The following SHPRH variants were observed in gnomAD, a reference collection of about 807,000 sequenced individuals.
SHPRH encodes the protein SNF2 histone linker PHD RING helicase.
A neutral mutation model predicts 202.5 loss-of-function variants in SHPRH; 106 were observed. The ratio of observed to expected loss-of-function variants is 0.52; its 90% CI spans 0.45 to 0.62. The LOEUF is 0.62. Ranked by LOEUF, SHPRH falls within the 20% of genes least tolerant of loss-of-function variation. SHPRH has a pLI of 0.00. For synonymous variants in SHPRH, 729 were observed against 686.0 expected, an observed-to-expected ratio of 1.06 and a Z score of -0.98; for missense variants, 1,710 against 2,020.0, an observed-to-expected ratio of 0.85 and a Z score of 2.94.
chr6:145,886,570 AATTC>A lies in SHPRH; in HGVS notation c.*117_*120del. On this transcript the variant is annotated 3_prime_UTR_variant, in exon 30 of 30. Transcript: ENST00000275233. ...CACTGTATAACCAGAACAATAAACA[AATTC>A]ATTCAACTAGGAACAGTGTTACTGT... is the stretch of plus-strand genomic sequence containing the variant. 2 of 1,498,534 alleles carry A rather than the reference AATTC, an allele frequency of 1.3e-6. No individual in the cohort carries two copies. Among genetic ancestry groups the A allele is most frequent in the East Asian group, 4.8e-5 (2 of 42,034 alleles). The allele number at this position is 1,498,534 out of a possible 1,614,324, so 92.8% of individuals were successfully genotyped here.
At chr6:145,864,977 A>T (rs1409491569) in intron 2 of SHPRH, among the ~76,000 whole-genome samples, 1 of 151,144 alleles carries the variant, frequency 6.6e-6, no homozygotes, top group East Asian at 1.9e-4. Flanking sequence ...ACACACACAC[A>T]CTTTGAGACC....
chr6:145,902,689 A>G (rs986621069), intron 25 of SHPRH, among the ~76,000 whole-genome samples: 2 of 152,122 alleles, frequency 1.3e-5, no homozygotes, highest in African/African-American at 2.4e-5. Context: ...ATTGGTGTAG[A>G]AAGATACACT....
intron 8 of SHPRH, among the ~76,000 whole-genome samples, chr6:145,944,353 G>A (rs772084005): frequency 3.3e-5 from 5 of 152,086 alleles, no homozygotes; most frequent in Non-Finnish European, 4.4e-5. Context: ...TTTGGCCCCC[G>A]GTTTCAAAGG....
Position 145,910,608 on chromosome 6 carries a change from A to C in SHPRH, c.4355T>G (p.Phe1452Cys). The change falls in exon 25 of 30, where the codon TTC becomes TGC. Residue 1452 changes from phenylalanine (F) to cysteine (C), a missense_variant. Physicochemically the swap from Phe to Cys is radical, Grantham distance 205 (BLOSUM62 -2). Coordinates refer to ENST00000275233, the MANE Select transcript of SHPRH (RefSeq NM_001042683.3). The stretch of plus-strand genomic sequence containing the variant: ...AATTATAGAAATGCATTCATTACAG[A>C]AACAGTGACCACAGGTCAGTACCGC... ...QWAVLTCGHC[F>C]CNECISIIIE... 6.2e-7 allele frequency: 1 copy of C among 1,613,050 alleles called. No individual in the cohort carries two copies. The highest frequency in any genetic ancestry group is 8.5e-7 in the Non-Finnish European group (1 of 1,179,426).
At chr6:145,880,283 T>C (rs1452398262), downstream of SHPRH, among the ~76,000 whole-genome samples, 2 of 152,130 alleles carry the variant, frequency 1.3e-5, no homozygotes, top group African/African-American at 4.8e-5. Flanking sequence ...AATATTAACA[T>C]AGGTCTACAT....
At chr6:145,955,377 GGAGGTATAACAAGA>G in intron 1 of SHPRH, 23 bp from the exon 2 acceptor site, 1 of 1,533,192 alleles carries the variant, frequency 6.5e-7, no homozygotes, top group South Asian at 1.3e-5. Context: ...TGAAACAACA[GGAGGTATAACAAGA>G]GATGATTTAG....
intron 25 of SHPRH, chr6:145,906,190 C>T (rs1782942589): frequency 6.6e-6 from 1 of 152,024 alleles, no homozygotes; most frequent in Non-Finnish European, 1.5e-5. Context: ...CAACTCTACC[C>T]TTTGCTATAA....
intron 2 of SHPRH, among the ~76,000 whole-genome samples, chr6:145,870,701 T>A (rs1441457335): frequency 2.0e-5 from 3 of 152,176 alleles, no homozygotes; most frequent in Non-Finnish European, 4.4e-5. Context: ...AAAGGACTGG[T>A]AAGAGGGAGT....
chr6:145,868,465 T>TCTGACTTCATAC lies in SHPRH; in HGVS notation c.222-3975_222-3974insGTATGAAGTCAG, dbSNP rs200243716. Among the ~76,000 whole-genome samples the TCTGACTTCATAC allele has an allele frequency of 4.2e-3, 633 of 152,342 alleles. 14 individuals are homozygous for TCTGACTTCATAC. In the East Asian group the frequency reaches 0.07, roughly 17 times the overall value. On this transcript the variant is annotated intron_variant, in intron 2 of 2. Coordinates refer to the SHPRH transcript ENST00000417762. ...AAGCTTGGATTTAAACCCAAGTTGCTCTGAGTTCTAAAAAAATGTATTTGG... is the reference window on the plus strand; with the variant it reads ...AAGCTTGGATTTAAACCCAAGTTGCTCTGACTTCATACCTGAGTTCTAAAAAAATGTATTTGG...
intron 7 of SHPRH, among the ~76,000 whole-genome samples, chr6:145,945,931 C>T (rs1371600051): frequency 6.6e-6 from 1 of 151,998 alleles, no homozygotes; most frequent in Admixed American, 6.6e-5. Context: ...TTTAAGTATA[C>T]GCTACCATTA....
rs1788360149 is a variant in SHPRH at position 145,955,034 on chromosome 6, C to T, written c.289G>A (p.Val97Ile). The change falls in exon 2 of 30, where the codon GTA becomes ATA. Residue 97 changes from valine (V) to isoleucine (I), a missense_variant. Transcript: ENST00000275233. ...ETVGIFSPLS[V>I]KLNIVISPYH... is the part of the protein sequence containing the mutation. ...GGAGAAATCACAATATTTAACTTTACAGACAAAGGGGAAAAAATACCAACA... is the reference window on the plus strand; with the variant it reads ...GGAGAAATCACAATATTTAACTTTATAGACAAAGGGGAAAAAATACCAACA... The T allele has an allele frequency of 1.9e-6, 3 of 1,613,230 alleles. No homozygotes were observed. Among genetic ancestry groups the T allele is most frequent in the Non-Finnish European group, 2.5e-6 (3 of 1,179,888 alleles).
chr6:145,859,926 T>C (rs1401434199), downstream of SHPRH, among the ~76,000 whole-genome samples: 1 of 152,106 alleles, frequency 6.6e-6, no homozygotes, highest in Non-Finnish European at 1.5e-5. Context: ...GGTGGGTTTT[T>C]GTTTAACCTA....
intron 4 of SHPRH, 58 bp downstream of exon 4, chr6:145,950,206 T>C (rs1285028546): frequency 6.9e-7 from 1 of 1,456,040 alleles, no homozygotes; most frequent in African/African-American, 1.4e-5. Flanking sequence ...CCTGCCCTAA[T>C]TGTCTCTGAT....
In SHPRH at chr6:145,955,013, A is replaced by C. The variant is rs201711095; in HGVS notation, c.310T>G (p.Ser104Ala). The C allele has an allele frequency of 3.2e-5, 51 of 1,613,448 alleles. No homozygotes were observed. The highest frequency in any genetic ancestry group is 4.2e-5 in the Non-Finnish European group (49 of 1,179,918). ...CAGGAATTATCAAAATGATAGGGAGAAATCACAATATTTAACTTTACAGAC... is the reference window on the plus strand; with the variant it reads ...CAGGAATTATCAAAATGATAGGGAGCAATCACAATATTTAACTTTACAGAC... ...PLSVKLNIVI[S>A]PYHFDNSWKA... The change falls in exon 2 of 30, where the codon TCT becomes GCT. Residue 104 changes from serine to alanine, a missense_variant. Physicochemically the swap from Ser to Ala is moderately conservative, Grantham distance 99. Around this residue, in one of 8 missense-constraint regions of SHPRH, gnomAD observed 459 missense variants for 426.5 expected, o/e 1.08. Transcript: ENST00000275233.
At chr6:145,890,880 T>C (rs1287406005) in intron 28 of SHPRH, among the ~76,000 whole-genome samples, 1 of 152,134 alleles carries the variant, frequency 6.6e-6, no homozygotes, top group Non-Finnish European at 1.5e-5. Context: ...TGTCCAAAAG[T>C]ACTATCAGTT....
chr6:145,880,814 T>C (rs1780529610), downstream of SHPRH, among the ~76,000 whole-genome samples: 1 of 152,060 alleles, frequency 6.6e-6, no homozygotes, highest in South Asian at 2.1e-4. Flanking sequence ...AACAAAATGA[T>C]GTGAGGTTAT....
At chr6:145,957,511 G>C (rs902505648) in intron 1 of SHPRH, among the ~76,000 whole-genome samples, 1 of 152,030 alleles carries the variant, frequency 6.6e-6, no homozygotes. Context: ...CAAATTAATA[G>C]TAAGACAAAC....
intron 14 of SHPRH, 123 bp from the exon 15 acceptor site, chr6:145,927,400 G>T: frequency 2.2e-6 from 2 of 899,542 alleles, no homozygotes; most frequent in Non-Finnish European, 3.3e-6. Context: ...CTTTTTTTAA[G>T]TAAAGAAATT....
chr6:145,891,911 G>A (rs565393804), intron 28 of SHPRH, among the ~76,000 whole-genome samples: 1 of 152,224 alleles, frequency 6.6e-6, no homozygotes, highest in East Asian at 1.9e-4. Context: ...TAAAAACACA[G>A]AAGAAAACCA....
Sources: gnomAD v4.1 joint callset for allele counts (sites outside exome capture counted in the v4.1 genomes callset) on GRCh38, gnomAD v4.1.1 for gene constraint, gnomAD v4.1.1 regional missense constraint, MANE v1.5 for transcripts, NCBI Gene and HGNC (gene_info 2026-07-23, HGNC 2026-07-21) for gene names.